Variants in MPP7 observed in about 807,000 individuals in gnomAD.
MPP7 encodes the protein MAGUK p55 subfamily member 7.
In MPP7, 60 loss-of-function variants were observed where a neutral mutation model predicts 76.5. The observed-to-expected ratio is 0.78, with a 90% CI of 0.64 to 0.97. The LOEUF (loss-of-function observed/expected upper bound fraction) is 0.97, where lower values mean the gene tolerates loss of function less well. Among genes scored for constraint, MPP7 ranks in the 50% least tolerant of loss-of-function variants. The pLI, the probability that MPP7 is intolerant of heterozygous loss-of-function variation, is 0.00. For missense variants in MPP7, 641 were observed against 694.0 expected, an observed-to-expected ratio of 0.92 and a Z score of 0.86; for synonymous variants, 237 against 244.5, an observed-to-expected ratio of 0.97 and a Z score of 0.29.
At chr10:28,118,591 A>G (rs182839339) in intron 11 of MPP7, 72 of 985,408 alleles carry the variant, frequency 7.3e-5, no homozygotes, top group Non-Finnish European at 5.1e-5. Context: ...AGAACAGTGC[A>G]ATATTCTCAC....
intron 5 of MPP7, among the ~76,000 whole-genome samples, chr10:28,137,686 C>T (rs1835391287): frequency 1.3e-5 from 2 of 152,120 alleles, no homozygotes; most frequent in African/African-American, 4.8e-5. Context: ...TTCCATTATC[C>T]TGTTTTAACT....
chr10:28,065,001 C>T (rs186967214), intron 13 of MPP7, among the ~76,000 whole-genome samples: 20 of 152,252 alleles, frequency 1.3e-4, no homozygotes, highest in Admixed American at 3.3e-4. Flanking sequence ...TAATGCCCTG[C>T]TTTGGAGTTT....
chr10:28,290,900 C>A (rs528075885), intron 1 of MPP7, among the ~76,000 whole-genome samples: 1 of 152,210 alleles, frequency 6.6e-6, no homozygotes. Flanking sequence ...TGAACATTCA[C>A]ACTCATACAG....
At chr10:28,157,994 C>T (rs1350538850) in intron 3 of MPP7, among the ~76,000 whole-genome samples, 1 of 152,184 alleles carries the variant, frequency 6.6e-6, no homozygotes, top group African/African-American at 2.4e-5. Flanking sequence ...CCCTAGAGTT[C>T]ACCACCAGAT....
intron 9 of MPP7, 59 bp downstream of exon 9, chr10:28,120,535 G>C: frequency 6.5e-7 from 1 of 1,538,524 alleles, no homozygotes; most frequent in Non-Finnish European, 9.0e-7. Context: ...GATATGTGTT[G>C]GATGGAAAAA....
intron 3 of MPP7, among the ~76,000 whole-genome samples, chr10:28,154,147 C>T (rs1381031454): frequency 6.6e-6 from 1 of 152,130 alleles, no homozygotes. Flanking sequence ...AAATCCTAAG[C>T]CATGGACCAA....
chr10:28,293,952 G>C (rs11006993), intron 1 of MPP7, among the ~76,000 whole-genome samples: 15,689 of 152,214 alleles, frequency 0.1, 1,283 homozygotes, highest in East Asian at 0.41. Flanking sequence ...GTGAGATCCC[G>C]CAGGTCTGCA....
At chr10:28,113,975 G>A (rs1314780511) in intron 11 of MPP7, among the ~76,000 whole-genome samples, 1 of 152,202 alleles carries the variant, frequency 6.6e-6, no homozygotes, top group African/African-American at 2.4e-5. Flanking sequence ...TTCCAAGGGA[G>A]AGTCTCCTGC....
At chr10:28,188,755 AT>A (rs5784044) in intron 3 of MPP7, among the ~76,000 whole-genome samples, 11,913 of 152,176 alleles carry the variant, frequency 0.078, 1,024 homozygotes, top group East Asian at 0.43. Context: ...AAGGATAAGA[AT>A]TACTTCAGGC....
At chr10:28,272,190 T>A (rs984344322) in intron 1 of MPP7, among the ~76,000 whole-genome samples, 14 of 152,170 alleles carry the variant, frequency 9.2e-5, no homozygotes, top group Admixed American at 5.9e-4. Context: ...AGTAAGACTA[T>A]TCACCCATCT....
chr10:28,313,614 G>A (rs1841301975), intron 2 of MPP7, among the ~76,000 whole-genome samples: 1 of 152,100 alleles, frequency 6.6e-6, no homozygotes, highest in Admixed American at 6.6e-5. Flanking sequence ...TGACTAAAGA[G>A]GTTAATATCC....
At chr10:28,243,784 T>C (rs991542095) in intron 1 of MPP7, among the ~76,000 whole-genome samples, 5 of 152,160 alleles carry the variant, frequency 3.3e-5, no homozygotes, top group Admixed American at 2.6e-4. Flanking sequence ...AATATAAAGG[T>C]CTCCTGTTGA....
intron 2 of MPP7, among the ~76,000 whole-genome samples, chr10:28,235,303 T>C (rs1236195880): frequency 6.6e-6 from 1 of 151,842 alleles, no homozygotes; most frequent in African/African-American, 2.4e-5. Context: ...ATGAAATGAA[T>C]TTACCATACT....
intron 5 of MPP7, among the ~76,000 whole-genome samples, chr10:28,133,692 A>G (rs1280142189): frequency 6.6e-6 from 1 of 152,018 alleles, no homozygotes; most frequent in Non-Finnish European, 1.5e-5. Flanking sequence ...ACACCCCGAA[A>G]ACAAGAAATA....
intron 15 of MPP7, chr10:28,057,638 T>TTA: frequency 3.8e-6 from 1 of 261,654 alleles, no homozygotes; most frequent in Non-Finnish European, 6.1e-6. Context: ...TTTTTTTTAG[T>TTA]AAATTACCCA....
At chr10:28,071,209 C>A (rs1411284455) in intron 12 of MPP7, among the ~76,000 whole-genome samples, 4 of 152,154 alleles carry the variant, frequency 2.6e-5, no homozygotes, top group African/African-American at 9.7e-5. Context: ...CTTCTTCCAC[C>A]CTGAGGAGGT....
chr10:28,171,842 T>C (rs970783180), intron 3 of MPP7, among the ~76,000 whole-genome samples: 3 of 152,196 alleles, frequency 2.0e-5, no homozygotes, highest in Non-Finnish European at 2.9e-5. Context: ...TTGTTATGTC[T>C]TTACTTTTTG....
At chr10:28,230,709 C>T (rs1838851874) in intron 2 of MPP7, among the ~76,000 whole-genome samples, 1 of 151,852 alleles carries the variant, frequency 6.6e-6, no homozygotes, top group Non-Finnish European at 1.5e-5. Flanking sequence ...CCATCTACTC[C>T]AGAGGCTGAG....
At chr10:28,323,810 C>T (rs561729044) in intron 2 of MPP7, among the ~76,000 whole-genome samples, 6 of 152,208 alleles carry the variant, frequency 3.9e-5, no homozygotes, top group East Asian at 1.9e-4. Context: ...GTTTGGATGC[C>T]GGGTGACTGA....
Sources: gnomAD v4.1 joint callset for allele counts (sites outside exome capture counted in the v4.1 genomes callset) on GRCh38, gnomAD v4.1.1 for gene constraint, MANE v1.5 for transcripts, NCBI Gene and HGNC (gene_info 2026-07-23, HGNC 2026-07-21) for gene names.